BTBD9: variants seen among roughly 807,000 people sequenced by gnomAD.
The protein encoded by BTBD9 is BTB/POZ domain-containing protein 9.
Under a neutral mutation model 64.3 loss-of-function variants are expected in BTBD9, and 49 were observed. The observed-to-expected ratio is 0.76, with a 90% CI of 0.61 to 0.97. The LOEUF is 0.97. BTBD9 is among the 50% of genes least tolerant of loss of function. The probability of loss-of-function intolerance (pLI) is 0.00; values close to 1 mark genes in which losing one functional copy is unlikely to be tolerated. For missense variants in BTBD9, 598 were observed against 762.1 expected, an observed-to-expected ratio of 0.78 and a Z score of 2.53; for synonymous variants, 260 against 274.7, an observed-to-expected ratio of 0.95 and a Z score of 0.53.
chr6:38,355,273 T>C (rs1764674809), intron 6 of BTBD9, among the ~76,000 whole-genome samples: 1 of 152,164 alleles, frequency 6.6e-6, no homozygotes, highest in African/African-American at 2.4e-5. Flanking sequence ...GTCTACCCAA[T>C]CATTTAAAAA....
In BTBD9 at chr6:38,602,055, G is replaced by A. The variant is rs374823702; in HGVS notation, c.-27-3934C>T. 5.9e-4 allele frequency among the ~76,000 whole-genome samples: 90 copies of A among 152,268 alleles called. No homozygotes were observed. The South Asian group carries it at 7.7e-3, about 13-fold the overall frequency. The stretch of plus-strand genomic sequence containing the variant: ...CAAAGACATAAGTTGTTTGGGGATA[G>A]AATGATCCAATATTATAAAAAGATC... On this transcript the variant is annotated intron_variant, in intron 1 of 10. Transcript: ENST00000481247.
chr6:38,188,929 G>C (rs755989108), intron 10 of BTBD9, among the ~76,000 whole-genome samples: 5 of 152,182 alleles, frequency 3.3e-5, no homozygotes, highest in Non-Finnish European at 7.3e-5. Flanking sequence ...ACCAGAGCCT[G>C]CTGGCACCCT....
chr6:38,419,557 A>C (rs1767813588), intron 6 of BTBD9, among the ~76,000 whole-genome samples: 1 of 152,086 alleles, frequency 6.6e-6, no homozygotes, highest in Non-Finnish European at 1.5e-5. Flanking sequence ...ATTTAGGAAG[A>C]CTCTAAAATA....
At chr6:38,328,595 GTGTGT>G (rs1350330687) in intron 7 of BTBD9, among the ~76,000 whole-genome samples, 6 of 150,902 alleles carry the variant, frequency 4.0e-5, no homozygotes, top group Non-Finnish European at 7.4e-5. Context: ...GTGTGTGTGT[GTGTGT>G]GTGTGTGTGT....
intron 1 of BTBD9, among the ~76,000 whole-genome samples, chr6:38,622,217 C>T (rs1028417696): frequency 1.3e-5 from 2 of 152,176 alleles, no homozygotes; most frequent in Non-Finnish European, 2.9e-5. Flanking sequence ...TCTGGGGCAA[C>T]AAAGAATAGG....
At chr6:38,530,589 T>A (rs1003988248) in intron 6 of BTBD9, among the ~76,000 whole-genome samples, 2 of 97,456 alleles carry the variant, frequency 2.1e-5, no homozygotes, top group Non-Finnish European at 5.8e-5. Context: ...AGAACCTACA[T>A]TGAAATATTG....
chr6:38,552,559 G>A (rs927469822), intron 6 of BTBD9, among the ~76,000 whole-genome samples: 2 of 152,044 alleles, frequency 1.3e-5, no homozygotes, highest in African/African-American at 4.8e-5. Context: ...CTGACGTCAA[G>A]AGTTCGAGAC....
chr6:38,339,780 T>C (rs1355822498), intron 7 of BTBD9, among the ~76,000 whole-genome samples: 4 of 152,188 alleles, frequency 2.6e-5, no homozygotes, highest in African/African-American at 9.7e-5. Context: ...GAAACAAAAG[T>C]CTTTTAAAGG....
chr6:38,462,180 TTTTTC>T (rs1232063875), intron 6 of BTBD9, among the ~76,000 whole-genome samples: 1 of 152,186 alleles, frequency 6.6e-6, no homozygotes, highest in Admixed American at 6.5e-5. Context: ...TTTTTCAATT[TTTTTC>T]TTTTATGAAT....
intron 6 of BTBD9, among the ~76,000 whole-genome samples, chr6:38,471,447 T>C (rs1017473943): frequency 1.3e-5 from 2 of 152,142 alleles, no homozygotes; most frequent in East Asian, 3.8e-4. Context: ...TAACCCACAA[T>C]CCACTTCTTT....
At chr6:38,419,065 C>A (rs1767796286) in intron 6 of BTBD9, among the ~76,000 whole-genome samples, 1 of 152,176 alleles carries the variant, frequency 6.6e-6, no homozygotes, top group Non-Finnish European at 1.5e-5. Context: ...GCAAGACAGG[C>A]AGGCTAAAGA....
chr6:38,183,991 C>T (rs1761700021), intron 10 of BTBD9, among the ~76,000 whole-genome samples: 1 of 152,310 alleles, frequency 6.6e-6, no homozygotes. Context: ...GGTGGGGAGC[C>T]AGTCAGAACC....
At chr6:38,359,941 CA>C (rs71751834) in intron 6 of BTBD9, among the ~76,000 whole-genome samples, 37,816 of 119,188 alleles carry the variant, frequency 0.32, 4,870 homozygotes, top group East Asian at 0.52. Context: ...AAATGTTAGA[CA>C]AAAAAAAAAA....
chr6:38,256,975 T>C (rs1046238674), intron 8 of BTBD9, among the ~76,000 whole-genome samples: 1 of 151,914 alleles, frequency 6.6e-6, no homozygotes, highest in African/African-American at 2.4e-5. Flanking sequence ...GTGTAAACAG[T>C]GGAGGCTCAC....
intron 7 of BTBD9, among the ~76,000 whole-genome samples, chr6:38,338,201 A>T (rs1354145278): frequency 6.6e-6 from 1 of 152,202 alleles, no homozygotes; most frequent in East Asian, 1.9e-4. Context: ...TTTTCACTAC[A>T]CAGTAACAGG....
chr6:38,422,807 ATCT>A (rs1186736331), intron 6 of BTBD9, among the ~76,000 whole-genome samples: 2 of 151,952 alleles, frequency 1.3e-5, no homozygotes, highest in Non-Finnish European at 2.9e-5. Flanking sequence ...CCCTTTATAA[ATCT>A]TCTTTTTGGC....
chr6:38,339,128 A>G lies in BTBD9; in HGVS notation c.1264+5856T>C, dbSNP rs142944661. 2.0e-3 allele frequency among the ~76,000 whole-genome samples: 308 copies of G among 152,316 alleles called. 1 individual carries two copies. The highest frequency in any genetic ancestry group is 6.3e-3 in the African/African-American group (261 of 41,566). The stretch of plus-strand genomic sequence containing the variant: ...CCTTCTCTAGAAATCTATCCCAAAG[A>G]TATATTGGCAAAAATAGGAAAAGAC... On this transcript the variant is annotated intron_variant, in intron 7 of 10. Coordinates refer to ENST00000481247, the MANE Select transcript of BTBD9 (RefSeq NM_001099272.2).
chr6:38,256,483 A>G lies in BTBD9; in HGVS notation c.1488T>C (p.Tyr496=). 6.2e-7 allele frequency: 1 copy of G among 1,613,954 alleles called. No homozygotes were observed. The highest frequency in any genetic ancestry group is 1.3e-5 in the African/African-American group (1 of 75,046). The change falls in exon 9 of 11, where the codon TAT becomes TAC. Residue 496 remains tyrosine (Y), a synonymous_variant. Coordinates refer to ENST00000481247, the MANE Select transcript of BTBD9 (RefSeq NM_001099272.2). ...LLLWDCDDRS[Y]SYYVEVSTNQ... The stretch of plus-strand genomic sequence containing the variant: ...TGGTAGAAACCTCAACGTAGTAGCT[A>G]TAGCTTCGATCATCACAATCCCAAA...
At chr6:38,342,885 G>T (rs764738964) in intron 7 of BTBD9, among the ~76,000 whole-genome samples, 1 of 152,136 alleles carries the variant, frequency 6.6e-6, no homozygotes, top group Non-Finnish European at 1.5e-5. Context: ...GAGCTGCAAC[G>T]TCAGACAGAG....
Sources: allele counts gnomAD v4.1 joint callset (sites outside exome capture counted in the v4.1 genomes callset), GRCh38; gene constraint gnomAD v4.1.1; transcripts MANE v1.5; gene names NCBI Gene and HGNC (gene_info 2026-07-23, HGNC 2026-07-21).